BNC2: variants seen among roughly 807,000 people sequenced by gnomAD.
BNC2 encodes the protein basonuclin zinc finger protein 2.
In BNC2, 20 loss-of-function variants were observed where a neutral mutation model predicts 76.3. The observed-to-expected ratio is 0.26, with a 90% CI of 0.18 to 0.38. The LOEUF is 0.38. BNC2 is among the 10% of genes least tolerant of loss of function. The pLI is 1.00. For missense variants in BNC2, 1,382 were observed against 1,399.8 expected (o/e 0.99, Z 0.20); for synonymous variants, 582 against 514.8 (o/e 1.13, Z -1.77).
rs184395298 is a variant in BNC2 at position 16,448,668 on chromosome 9, C to T, written c.670-11144G>A. Among the ~76,000 whole-genome samples the T allele has an allele frequency of 4.9e-4, 74 of 152,242 alleles. No individual in the cohort carries two copies. The East Asian group carries it at 8.3e-3, about 17-fold the overall frequency. On this transcript the variant is annotated intron_variant, in intron 5 of 6. Coordinates refer to ENST00000380672, the MANE Select transcript of BNC2 (RefSeq NM_017637.6). ...TGAGGATTGAGTATTCCATAAAACACACTGAGGACTGAGTGTGTGACTGAA... is the reference window on the plus strand; with the variant it reads ...TGAGGATTGAGTATTCCATAAAACATACTGAGGACTGAGTGTGTGACTGAA...
At chr9:16,604,056 T>G (rs2133337099) in intron 3 of BNC2, among the ~76,000 whole-genome samples, 1 of 152,296 alleles carries the variant, frequency 6.6e-6, no homozygotes, top group East Asian at 1.9e-4. Flanking sequence ...AATAAAAGTC[T>G]AAATTTTATT....
intron 3 of BNC2, among the ~76,000 whole-genome samples, chr9:16,676,338 T>G (rs904158114): frequency 6.6e-6 from 1 of 152,212 alleles, no homozygotes; most frequent in African/African-American, 2.4e-5. Context: ...ACAAAATCCA[T>G]GCATAGGCAC....
At chr9:16,738,549 A>T in intron 1 of BNC2, 64 bp from the exon 2 acceptor site, 4 of 1,474,912 alleles carry the variant, frequency 2.7e-6, no homozygotes, top group Non-Finnish European at 3.6e-6. Context: ...AGCATTGAGT[A>T]CATCAAAACT....
At chr9:16,634,414 T>C (rs954601302) in intron 3 of BNC2, among the ~76,000 whole-genome samples, 3 of 152,146 alleles carry the variant, frequency 2.0e-5, no homozygotes, top group African/African-American at 7.2e-5. Context: ...TACTGTCTGG[T>C]GACAAATAGG....
chr9:16,641,787 G>C (rs1262446402), intron 3 of BNC2, among the ~76,000 whole-genome samples: 1 of 152,116 alleles, frequency 6.6e-6, no homozygotes, highest in East Asian at 1.9e-4. Context: ...TATCAAATAT[G>C]TAATCAAATA....
At chr9:16,767,392 G>C (rs551004241) in intron 1 of BNC2, among the ~76,000 whole-genome samples, 4 of 152,296 alleles carry the variant, frequency 2.6e-5, no homozygotes, top group African/African-American at 9.6e-5. Flanking sequence ...CATACAATGT[G>C]AAAGGCCCCT....
rs1224127168 is a variant in BNC2, at chr9:16,853,463, A to G, written c.3+17183T>C. Reference sequence around the variant, plus strand: ...ATTTTAACTAGTTCTTTGATTTTCAACGTAACTTTCTAATTACATTTTAAT... The same window carrying G: ...ATTTTAACTAGTTCTTTGATTTTCAGCGTAACTTTCTAATTACATTTTAAT... On this transcript the variant is annotated intron_variant, in intron 1 of 6. Coordinates refer to ENST00000380672, the MANE Select transcript of BNC2 (RefSeq NM_017637.6). 1.9e-4 allele frequency among the ~76,000 whole-genome samples: 29 copies of G among 152,056 alleles called. 1 individual carries two copies.
chr9:16,752,069 T>C (rs2135288505), intron 1 of BNC2, among the ~76,000 whole-genome samples: 1 of 152,296 alleles, frequency 6.6e-6, no homozygotes, highest in African/African-American at 2.4e-5. Flanking sequence ...ATCCAGTTTT[T>C]TATGTACGGT....
intron 1 of BNC2, among the ~76,000 whole-genome samples, chr9:16,861,181 A>AACATATATATATATATATATATAT (rs1287136917): frequency 7.6e-6 from 1 of 131,698 alleles, no homozygotes; most frequent in African/African-American, 3.1e-5. Context: ...ATCTCTACAA[A>AACATATATATATATATATATATAT]ATATATATAT....
At chr9:16,822,092 CAAAAAAAAAAAAAA>C (rs531393812) in intron 1 of BNC2, among the ~76,000 whole-genome samples, 2 of 32,626 alleles carry the variant, frequency 6.1e-5, no homozygotes, top group African/African-American at 1.1e-4. Flanking sequence ...GACTCCATCT[CAAAAAAAAAAAAAA>C]AAAAAAAAAA....
chr9:16,747,170 C>T (rs916620173), intron 1 of BNC2, among the ~76,000 whole-genome samples: 2 of 152,130 alleles, frequency 1.3e-5, no homozygotes, highest in Non-Finnish European at 2.9e-5. Flanking sequence ...CCAAGTTAGG[C>T]ATCTTCACAG....
chr9:16,813,247 G>A lies in BNC2; in HGVS notation c.3+57399C>T, dbSNP rs145331694. ...TATATACCCACAACATTACCATAAC[G>A]GAAGCAAGCAGAAAAACCATTTTTT... On this transcript the variant is annotated intron_variant, in intron 1 of 6. Transcript: ENST00000380672. Among the ~76,000 whole-genome samples, 11 of 151,970 alleles carry A rather than the reference G, an allele frequency of 7.2e-5. No individual in the cohort carries two copies. In the East Asian group the frequency reaches 7.8e-4, roughly 11 times the overall value.
In BNC2 at chr9:16,419,496, G is replaced by C. The variant is rs536642528; in HGVS notation, c.2793C>G (p.Val931=). The change falls in exon 7 of 7, where the codon GTC becomes GTG. Residue 931 remains valine (V), a synonymous_variant. Transcript: ENST00000380672. ...CTGCGGGAGAGGAGGCGTCTTCCCT[G>C]ACATCGAGCCCCATGGGGTGCTGGG... ...YGAQHPMGLD[V]REDASSPAGT... The C allele has an allele frequency of 3.2e-5, 51 of 1,614,128 alleles. 2 individuals carry two copies. The highest frequency in any genetic ancestry group is 4.2e-5 in the Non-Finnish European group (49 of 1,180,024).
chr9:16,774,310 A>C (rs560393581), intron 1 of BNC2, among the ~76,000 whole-genome samples: 6 of 152,292 alleles, frequency 3.9e-5, no homozygotes, highest in African/African-American at 1.4e-4. Flanking sequence ...AATAAGTACA[A>C]CTACTATTCG....
At chr9:16,556,419 A>C (rs539770158) in intron 4 of BNC2, among the ~76,000 whole-genome samples, 2 of 152,216 alleles carry the variant, frequency 1.3e-5, no homozygotes, top group Middle Eastern at 3.4e-3. Flanking sequence ...AAAAGCTCTA[A>C]GAGTGTGGTT....
At chr9:16,714,609 A>C (rs1180833565) in intron 3 of BNC2, among the ~76,000 whole-genome samples, 1 of 152,230 alleles carries the variant, frequency 6.6e-6, no homozygotes, top group East Asian at 1.9e-4. Context: ...AAGCAAACCA[A>C]CAACTTGTTA....
chr9:16,634,786 C>A (rs927975871), intron 3 of BNC2, among the ~76,000 whole-genome samples: 6 of 152,180 alleles, frequency 3.9e-5, no homozygotes, highest in African/African-American at 1.4e-4. Flanking sequence ...CAGGCGTGAA[C>A]AACCGCGCCC....
At chr9:16,626,289 T>C (rs1820990551) in intron 3 of BNC2, 1 of 152,206 alleles carries the variant, frequency 6.6e-6, no homozygotes, top group Non-Finnish European at 1.5e-5. Context: ...TCAAAAATCA[T>C]GACATTGCTG....
rs558733141 is a variant in BNC2, at chr9:16,779,954, T to A, written c.4-41469A>T. 5.9e-5 allele frequency among the ~76,000 whole-genome samples: 9 copies of A among 152,268 alleles called. No individual in the cohort carries two copies. The South Asian group carries it at 8.3e-4, about 14-fold the overall frequency. On this transcript the variant is annotated intron_variant, in intron 1 of 6. Coordinates refer to ENST00000380672, the MANE Select transcript of BNC2 (RefSeq NM_017637.6). Reference sequence around the variant, plus strand: ...ACAATATACTAAAAACTACTGAAACTGGCCGGGCGTGGTGGCTCACGCCTG... The same window carrying A: ...ACAATATACTAAAAACTACTGAAACAGGCCGGGCGTGGTGGCTCACGCCTG...
Sources: allele counts gnomAD v4.1 joint callset (sites outside exome capture counted in the v4.1 genomes callset), GRCh38; gene constraint gnomAD v4.1.1; transcripts MANE v1.5; gene names NCBI Gene and HGNC (gene_info 2026-07-23, HGNC 2026-07-21).